Variants in MAPKAP1 observed in about 807,000 individuals in gnomAD.
MAPKAP1 encodes the protein MAPK associated protein 1, also known as target of rapamycin complex 2 subunit MAPKAP1.
A neutral mutation model predicts 65.7 loss-of-function variants in MAPKAP1; 20 were observed. The ratio of observed to expected loss-of-function variants is 0.30; its 90% CI spans 0.21 to 0.44. The LOEUF (loss-of-function observed/expected upper bound fraction) is 0.44, where lower values mean the gene tolerates loss of function less well. Among genes scored for constraint, MAPKAP1 ranks in the 20% least tolerant of loss-of-function variants. The probability of loss-of-function intolerance (pLI) is 1.00; values close to 1 mark genes in which losing one functional copy is unlikely to be tolerated. For missense variants in MAPKAP1, 423 were observed against 648.0 expected (o/e 0.65, Z 3.77); for synonymous variants, 222 against 244.3 (o/e 0.91, Z 0.85).
chr9:125,523,371 G>A (rs968398360), intron 7 of MAPKAP1, among the ~76,000 whole-genome samples: 4 of 152,118 alleles, frequency 2.6e-5, no homozygotes, highest in African/African-American at 9.7e-5. Context: ...AAAAAAAGAG[G>A]GAGACCTGAC....
At position 125,641,177 on chromosome 9, in the gene MAPKAP1, C is replaced by T. The variant is rs78364206; in HGVS notation, c.498+16474G>A. On this transcript the variant is annotated intron_variant, in intron 4 of 11. Transcript: ENST00000265960. ...CAACAGTAAACACTATTATTATCTT[C>T]ATCTGTTAATCTTGAGGACAGAGTT... 2.2e-3 allele frequency among the ~76,000 whole-genome samples: 329 copies of T among 152,320 alleles called. 7 individuals carry two copies. In the East Asian group the frequency reaches 0.045, roughly 21 times the overall value.
At chr9:125,533,019 G>A (rs1829975664) in intron 7 of MAPKAP1, among the ~76,000 whole-genome samples, 1 of 152,132 alleles carries the variant, frequency 6.6e-6, no homozygotes, top group African/African-American at 2.4e-5. Flanking sequence ...TGCTCAAAGG[G>A]CCAGCAGGCA....
At chr9:125,453,036 A>T (rs1400777980) in intron 10 of MAPKAP1, among the ~76,000 whole-genome samples, 1 of 152,232 alleles carries the variant, frequency 6.6e-6, no homozygotes, top group East Asian at 1.9e-4. Context: ...CCCCAAAGTT[A>T]AATAAGAGTG....
intron 4 of MAPKAP1, among the ~76,000 whole-genome samples, chr9:125,612,868 G>C (rs1355542866): frequency 1.3e-5 from 2 of 152,204 alleles, no homozygotes; most frequent in East Asian, 3.8e-4. Context: ...CACAATGGAG[G>C]CAGGAAGAAA....
chr9:125,475,717 AT>A (rs1168840427), intron 9 of MAPKAP1, among the ~76,000 whole-genome samples: 1 of 152,212 alleles, frequency 6.6e-6, no homozygotes, highest in Non-Finnish European at 1.5e-5. Flanking sequence ...CAGAGAAGGC[AT>A]TTACAAAGAT....
At position 125,447,480 on chromosome 9, in the gene MAPKAP1, G is replaced by A. The variant is rs1317923610; in HGVS notation, c.1346-2882C>T. The A allele has an allele frequency of 2.2e-6, 1 of 456,626 alleles. No individual in the cohort carries two copies. The highest frequency in any genetic ancestry group is 4.4e-6 in the Non-Finnish European group (1 of 226,968). The allele number at this position is 456,626 out of a possible 1,614,324, so 28.3% of individuals were successfully genotyped here. ...TCTTGCTCTCTGCAAGGAGTGATGA[G>A]CGGAACCCTGGGGGGCAAGGGCAGG... On this transcript the variant is annotated intron_variant, in intron 10 of 11. Transcript: ENST00000265960. This position sits in a 1 kb window ranked among gnomAD's most constrained non-coding sequence, Gnocchi z 4.5.
At chr9:125,468,162 G>C in intron 9 of MAPKAP1, 53 bp from the exon 10 acceptor site, 1 of 1,564,350 alleles carries the variant, frequency 6.4e-7, no homozygotes, top group Non-Finnish European at 8.8e-7. Flanking sequence ...GAAGGTGTAA[G>C]TGATTTCAGG....
rs1397009330 is a variant in MAPKAP1, at chr9:125,438,848, G to C, written c.*39C>G. 4.3e-6 allele frequency: 7 copies of C among 1,613,368 alleles called. No homozygotes were observed. Among genetic ancestry groups the C allele is most frequent in the African/African-American group, 2.7e-5 (2 of 75,042 alleles). On this transcript the variant is annotated 3_prime_UTR_variant, in exon 12 of 12. Transcript: ENST00000265960. ...TAGGGCACTTGGCCCTGGCAGGCAG[G>C]CTCTGAGCTACGGAACAGATTGAGG... is the stretch of plus-strand genomic sequence containing the variant.
At chr9:125,611,783 A>G (rs1832607824) in intron 4 of MAPKAP1, among the ~76,000 whole-genome samples, 1 of 152,246 alleles carries the variant, frequency 6.6e-6, no homozygotes, top group African/African-American at 2.4e-5. Flanking sequence ...TTGTGTGAAC[A>G]TAAAAGCATA....
At chr9:125,578,824 T>C (rs552472758) in intron 5 of MAPKAP1, among the ~76,000 whole-genome samples, 3 of 152,262 alleles carry the variant, frequency 2.0e-5, no homozygotes, top group Non-Finnish European at 1.5e-5. Context: ...ATAGACCAAA[T>C]AGTCAAAAAC....
chr9:125,563,349 C>T (rs1327202587), intron 5 of MAPKAP1, among the ~76,000 whole-genome samples: 1 of 152,202 alleles, frequency 6.6e-6, no homozygotes, highest in Non-Finnish European at 1.5e-5. Flanking sequence ...TTTGCAGACA[C>T]AACTGGTTTT....
At chr9:125,458,739 C>T (rs1207487318) in intron 10 of MAPKAP1, among the ~76,000 whole-genome samples, 1 of 149,394 alleles carries the variant, frequency 6.7e-6, no homozygotes, top group Non-Finnish European at 1.5e-5. Flanking sequence ...GGGTACACCT[C>T]CCAGATGGTG....
chr9:125,685,362 T>C (rs985394645), intron 1 of MAPKAP1, among the ~76,000 whole-genome samples: 1 of 152,106 alleles, frequency 6.6e-6, no homozygotes, highest in Non-Finnish European at 1.5e-5. Context: ...ATGTAGACAC[T>C]CCAGGGAATA....
chr9:125,459,163 T>C (rs1036858936), intron 10 of MAPKAP1, among the ~76,000 whole-genome samples: 1 of 147,144 alleles, frequency 6.8e-6, no homozygotes, highest in Non-Finnish European at 1.5e-5. Flanking sequence ...GAGGCGCTCC[T>C]CACATCCCAG....
intron 5 of MAPKAP1, among the ~76,000 whole-genome samples, chr9:125,564,883 G>A (rs771346796): frequency 2.6e-5 from 4 of 152,126 alleles, no homozygotes; most frequent in South Asian, 2.1e-4. Flanking sequence ...AGAGAAAGAC[G>A]AATGATCAAA....
chr9:125,663,401 C>A (rs904261167), intron 3 of MAPKAP1, among the ~76,000 whole-genome samples: 1 of 152,168 alleles, frequency 6.6e-6, no homozygotes, highest in African/African-American at 2.4e-5. Context: ...ACAGTACCTT[C>A]CTAATGAGCC....
At chr9:125,577,742 T>C (rs369675143) in intron 5 of MAPKAP1, among the ~76,000 whole-genome samples, 2 of 125,114 alleles carry the variant, frequency 1.6e-5, no homozygotes, top group African/African-American at 3.0e-5. Context: ...CGCCTCTGCC[T>C]GGCCGCCCCT....
At chr9:125,468,404 CACAGAGAGGCT>C (rs1162366954) in intron 9 of MAPKAP1, among the ~76,000 whole-genome samples, 2 of 152,178 alleles carry the variant, frequency 1.3e-5, no homozygotes, top group African/African-American at 4.8e-5. Flanking sequence ...ATGGATCCAA[CACAGAGAGGCT>C]ATTTACAGCC....
chr9:125,583,625 T>C (rs1429202606), intron 5 of MAPKAP1, among the ~76,000 whole-genome samples: 1 of 152,240 alleles, frequency 6.6e-6, no homozygotes, highest in Non-Finnish European at 1.5e-5. Flanking sequence ...TTATGTGACA[T>C]AAGAAAGCTA....
Sources: gnomAD v4.1 joint callset for allele counts (sites outside exome capture counted in the v4.1 genomes callset) on GRCh38, gnomAD v4.1.1 for gene constraint, Gnocchi (gnomAD v3.1) non-coding constraint, MANE v1.5 for transcripts, NCBI Gene and HGNC (gene_info 2026-07-23, HGNC 2026-07-21) for gene names.